The following COL26A1 variants were observed in gnomAD, a reference collection of about 807,000 sequenced individuals.
COL26A1 encodes collagen alpha-1(XXVI) chain.
A neutral mutation model predicts 59.3 loss-of-function variants in COL26A1; 41 were observed. The observed-to-expected ratio is 0.69, with a 90% CI of 0.54 to 0.90. The LOEUF (loss-of-function observed/expected upper bound fraction) is 0.90, where lower values mean the gene tolerates loss of function less well. Ranked by LOEUF, COL26A1 falls within the 40% of genes least tolerant of loss-of-function variation. The pLI is 0.00. For synonymous variants in COL26A1, 266 were observed against 256.0 expected (o/e 1.04, Z -0.37); for missense variants, 612 against 602.3 (o/e 1.02, Z -0.17).
chr7:101,504,807 C>CTGTG (rs149023314), intron 3 of COL26A1, among the ~76,000 whole-genome samples: 36 of 150,496 alleles, frequency 2.4e-4, no homozygotes, highest in African/African-American at 7.8e-4. Context: ...GTTGCCCAGA[C>CTGTG]TGTGTGTGTG....
At chr7:101,495,317 G>C (rs1320594566) in intron 3 of COL26A1, among the ~76,000 whole-genome samples, 1 of 152,156 alleles carries the variant, frequency 6.6e-6, no homozygotes, top group Non-Finnish European at 1.5e-5. Flanking sequence ...CTTTCCAAGA[G>C]AAGCTGTCGA....
chr7:101,393,714 T>C (rs1791785160), intron 1 of COL26A1, among the ~76,000 whole-genome samples: 1 of 152,152 alleles, frequency 6.6e-6, no homozygotes, highest in South Asian at 2.1e-4. Context: ...CCCAAAGTGC[T>C]GGGATTACAG....
chr7:101,388,294 G>A (rs1441174479), intron 1 of COL26A1, among the ~76,000 whole-genome samples: 2 of 151,394 alleles, frequency 1.3e-5, no homozygotes, highest in Non-Finnish European at 2.9e-5. Flanking sequence ...CCAACATGGT[G>A]AAACCCTGTC....
intron 2 of COL26A1, among the ~76,000 whole-genome samples, chr7:101,446,650 C>A (rs538129247): frequency 6.6e-6 from 1 of 152,240 alleles, no homozygotes; most frequent in East Asian, 1.9e-4. Context: ...AGTTCGAGAG[C>A]AGCCTCACAA....
At chr7:101,482,979 G>A (rs117906415) in intron 3 of COL26A1, among the ~76,000 whole-genome samples, 8,754 of 152,092 alleles carry the variant, frequency 0.058, 588 homozygotes, top group East Asian at 0.32. Context: ...ACAAAACAGA[G>A]TTCCTTAGGC....
intron 5 of COL26A1, among the ~76,000 whole-genome samples, chr7:101,541,364 A>G (rs989752901): frequency 6.6e-6 from 1 of 152,036 alleles, no homozygotes; most frequent in Admixed American, 6.6e-5. Context: ...TTTTATTTTG[A>G]GACAATGTAT....
intron 1 of COL26A1, among the ~76,000 whole-genome samples, chr7:101,413,192 C>A (rs1047535688): frequency 6.6e-6 from 1 of 152,108 alleles, no homozygotes; most frequent in Non-Finnish European, 1.5e-5. Flanking sequence ...ATTGCTCCTC[C>A]CCCTAGGTGA....
rs192620781 is a variant in COL26A1 at position 101,474,990 on chromosome 7, C to T, written c.385+27203C>T. On this transcript the variant is annotated intron_variant, in intron 3 of 12. Coordinates refer to ENST00000313669, the MANE Select transcript of COL26A1 (RefSeq NM_001278563.3). ...GGTGGATCCCTTGAGGTTAGGAGTT[C>T]GAGACCAGCCTAGTCAACATTGCAA... Among the ~76,000 whole-genome samples, 143 of 152,206 alleles carry T rather than the reference C, an allele frequency of 9.4e-4. 1 individual carries two copies. Among genetic ancestry groups the T allele is most frequent in the Non-Finnish European group, 2.6e-4 (18 of 67,998 alleles).
At chr7:101,529,002 C>T (rs998180839) in intron 3 of COL26A1, among the ~76,000 whole-genome samples, 5 of 152,032 alleles carry the variant, frequency 3.3e-5, no homozygotes, top group African/African-American at 9.7e-5. Flanking sequence ...CCTATCTCTA[C>T]TAAAAATACA....
intron 2 of COL26A1, among the ~76,000 whole-genome samples, chr7:101,434,144 C>T (rs1562977023): frequency 1.8e-5 from 1 of 55,950 alleles, no homozygotes; most frequent in Non-Finnish European, 3.4e-5. Context: ...TTCTCTGTCT[C>T]TCTTTCTCTC....
In COL26A1 at chr7:101,468,285, G is replaced by C. The variant is rs143474535; in HGVS notation, c.385+20498G>C. On this transcript the variant is annotated intron_variant, in intron 3 of 12. Transcript: ENST00000313669. ...CCACTGCACTCCAGCCTGGGCAACA[G>C]AGCAAGACTCAGTCTCAAAAAAAAA... Among the ~76,000 whole-genome samples, 16 of 150,900 alleles carry C rather than the reference G, an allele frequency of 1.1e-4. 1 individual carries two copies. Among genetic ancestry groups the C allele is most frequent in the African/African-American group, 3.9e-4 (16 of 40,956 alleles).
chr7:101,501,364 C>A (rs1410588066), intron 3 of COL26A1, among the ~76,000 whole-genome samples: 1 of 152,156 alleles, frequency 6.6e-6, no homozygotes, highest in Admixed American at 6.5e-5. Flanking sequence ...CTTCCAGCTC[C>A]CATGGCCACT....
At chr7:101,433,656 G>A (rs1792832983) in intron 2 of COL26A1, among the ~76,000 whole-genome samples, 1 of 152,092 alleles carries the variant, frequency 6.6e-6, no homozygotes, top group Non-Finnish European at 1.5e-5. Context: ...AGGGGAGAAA[G>A]GCTGGGGCAG....
At chr7:101,531,042 C>G (rs1032918425) in intron 3 of COL26A1, among the ~76,000 whole-genome samples, 1 of 151,876 alleles carries the variant, frequency 6.6e-6, no homozygotes, top group African/African-American at 2.4e-5. Context: ...GCGATCTCGG[C>G]TCACTGCAAG....
At chr7:101,525,836 A>G (rs1305982146) in intron 3 of COL26A1, among the ~76,000 whole-genome samples, 1 of 151,968 alleles carries the variant, frequency 6.6e-6, no homozygotes, top group East Asian at 1.9e-4. Flanking sequence ...AAACGTAGAG[A>G]CTTTCTTCCT....
chr7:101,546,696 TAAAC>T (rs1229689033), intron 7 of COL26A1, among the ~76,000 whole-genome samples: 1 of 152,030 alleles, frequency 6.6e-6, no homozygotes, highest in African/African-American at 2.4e-5. Context: ...GATGGGTTGT[TAAAC>T]AGACTCCACC....
intron 2 of COL26A1, among the ~76,000 whole-genome samples, chr7:101,442,804 G>C (rs1793091528): frequency 6.6e-6 from 1 of 152,182 alleles, no homozygotes; most frequent in Non-Finnish European, 1.5e-5. Context: ...GACTGTGAGT[G>C]TGCATGAGTG....
At chr7:101,378,016 G>A (rs1053863024) in intron 1 of COL26A1, among the ~76,000 whole-genome samples, 2 of 152,118 alleles carry the variant, frequency 1.3e-5, no homozygotes, top group African/African-American at 2.4e-5. Flanking sequence ...GGTGATCCTC[G>A]TGCTTCAGCC....
At chr7:101,520,662 A>ACC (rs1554340998) in intron 3 of COL26A1, among the ~76,000 whole-genome samples, 6 of 143,240 alleles carry the variant, frequency 4.2e-5, no homozygotes, top group African/African-American at 1.6e-4. Context: ...ACACACACAC[A>ACC]CCCCCGTGTT....
Sources: allele counts gnomAD v4.1 joint callset (sites outside exome capture counted in the v4.1 genomes callset), GRCh38; gene constraint gnomAD v4.1.1; transcripts MANE v1.5; gene names NCBI Gene and HGNC (gene_info 2026-07-23, HGNC 2026-07-21).